The following CKAP2L variants were observed in gnomAD, a reference collection of about 807,000 sequenced individuals.
CKAP2L encodes the protein cytoskeleton associated protein 2L, also known as cytoskeleton-associated protein 2-like.
A neutral mutation model predicts 65.7 loss-of-function variants in CKAP2L; 42 were observed. That is an observed-to-expected ratio of 0.64 (90% confidence interval 0.50 to 0.83). The LOEUF is 0.83. CKAP2L is among the 40% of genes least tolerant of loss of function. CKAP2L has a pLI of 0.00. For synonymous variants in CKAP2L, 325 were observed against 313.5 expected, an observed-to-expected ratio of 1.04 and a Z score of -0.39; for missense variants, 908 against 871.0, an observed-to-expected ratio of 1.04 and a Z score of -0.53.
At chr2:112,754,126 A>G (rs545188755) in intron 4 of CKAP2L, among the ~76,000 whole-genome samples, 57 of 152,304 alleles carry the variant, frequency 3.7e-4, no homozygotes, top group African/African-American at 1.2e-3. Flanking sequence ...TTTAAGTCTG[A>G]CTATTATCAA....
chr2:112,738,747 C>T lies in CKAP2L; in HGVS notation c.*76G>A. The T allele has an allele frequency of 1.0e-6, 1 of 974,792 alleles. No individual in the cohort carries two copies. The highest frequency in any genetic ancestry group is 1.5e-5 in the South Asian group (1 of 68,128). 60.4% of individuals were successfully genotyped at this position (974,792 alleles called of 1,614,324 possible). A position where few individuals can be genotyped will look rare whatever the true frequency, so the allele number is the denominator to read the frequency against. On this transcript the variant is annotated 3_prime_UTR_variant, in exon 9 of 9. Transcript: ENST00000302450. Reference sequence around the variant, plus strand: ...GCATCCATGATGCCTCTCTTTTTTTCCAGGTCACTTGGACAAGAATATTTC... The same window carrying T: ...GCATCCATGATGCCTCTCTTTTTTTTCAGGTCACTTGGACAAGAATATTTC...
chr2:112,749,973 C>G (rs1297360795), intron 5 of CKAP2L, among the ~76,000 whole-genome samples: 1 of 152,114 alleles, frequency 6.6e-6, no homozygotes, highest in Non-Finnish European at 1.5e-5. Context: ...CTTTTTTTCC[C>G]CCTCAGAGCC....
chr2:112,758,065 C>T (rs1680598274), intron 3 of CKAP2L, among the ~76,000 whole-genome samples: 1 of 152,292 alleles, frequency 6.6e-6, no homozygotes, highest in African/African-American at 2.4e-5. Context: ...AGATATGCTG[C>T]CACAGCTCTC....
chr2:112,741,940 G>GTTT (rs57634251), intron 7 of CKAP2L, among the ~76,000 whole-genome samples: 9 of 71,906 alleles, frequency 1.3e-4, no homozygotes, highest in African/African-American at 3.3e-4. Flanking sequence ...TTTCTTTTCT[G>GTTT]TTTTTTTTTT....
rs189832069 is a variant in CKAP2L, at chr2:112,736,372, T to C, written c.*2451A>G. Reference sequence around the variant, plus strand: ...CATTTTGGTGACAATTTTATTTTATTAGGTATATTTAAGATTTACAACATG... The same window carrying C: ...CATTTTGGTGACAATTTTATTTTATCAGGTATATTTAAGATTTACAACATG... On this transcript the variant is annotated 3_prime_UTR_variant, in exon 9 of 9. Transcript: ENST00000302450. Among the ~76,000 whole-genome samples, 23 of 152,314 alleles carry C rather than the reference T, an allele frequency of 1.5e-4. No individual in the cohort carries two copies. In the East Asian group the frequency reaches 1.5e-3, roughly 10 times the overall value.
chr2:112,742,573 G>A (rs1170299198), intron 7 of CKAP2L, 133 bp downstream of exon 7: 9 of 712,312 alleles, frequency 1.3e-5, no homozygotes, highest in African/African-American at 1.8e-5. Flanking sequence ...ATGGCTGAAA[G>A]GGCCAGGTCA....
At chr2:112,763,524 T>TA (rs1680796564) in intron 1 of CKAP2L, among the ~76,000 whole-genome samples, 1 of 151,820 alleles carries the variant, frequency 6.6e-6, no homozygotes, top group Non-Finnish European at 1.5e-5. Context: ...GTAGTGGAGA[T>TA]AAAATCAACA....
rs1439125745 is a variant in CKAP2L at position 112,756,627 on chromosome 2, T to C, written c.744A>G (p.Glu248=). The C allele has an allele frequency of 1.9e-6, 3 of 1,611,542 alleles. No individual in the cohort carries two copies. In the East Asian group the frequency reaches 6.7e-5, roughly 36 times the overall value. The change falls in exon 4 of 9, where the codon GAA becomes GAG. Residue 248 remains glutamate (E), a synonymous_variant. Transcript: ENST00000302450. ...TTACTGGGAAAGTCCTGCTTTGTGT[T>C]TCTCCAACAAATTGTTTATTAACCC... ...KDRVNKQFVG[E]TQSRTFPVKS...
At chr2:112,745,428 G>A (rs947292607) in intron 6 of CKAP2L, among the ~76,000 whole-genome samples, 1 of 150,364 alleles carries the variant, frequency 6.7e-6, no homozygotes, top group African/African-American at 2.5e-5. Context: ...TGCCCAGGCT[G>A]GAGTGCAGTG....
At position 112,741,132 on chromosome 2, in the gene CKAP2L, G is replaced by A. The variant is rs963966908; in HGVS notation, c.1823-125C>T. 20 of 683,416 alleles carry A rather than the reference G, an allele frequency of 2.9e-5. No individual in the cohort carries two copies. In the Middle Eastern group the frequency reaches 1.6e-3, roughly 56 times the overall value. 42.3% of individuals were successfully genotyped at this position (683,416 alleles called of 1,614,324 possible). A position where few individuals can be genotyped will look rare whatever the true frequency, so the allele number is the denominator to read the frequency against. On this transcript the variant is annotated intron_variant, in intron 7 of 8. Transcript: ENST00000302450. ...GTGATCTTCATGGGCTCCACATACTGAATAGTGATTGATTTGAAGTGTGAC... is the reference window on the plus strand; with the variant it reads ...GTGATCTTCATGGGCTCCACATACTAAATAGTGATTGATTTGAAGTGTGAC...
chr2:112,760,312 C>T (rs1435851640), intron 3 of CKAP2L, among the ~76,000 whole-genome samples: 1 of 152,196 alleles, frequency 6.6e-6, no homozygotes, highest in Non-Finnish European at 1.5e-5. Context: ...AGGCTCTCAG[C>T]TTTGTCACTT....
Position 112,750,518 on chromosome 2 carries a change from C to T in CKAP2L, c.1602+1749G>A, listed in dbSNP as rs115039893. On this transcript the variant is annotated intron_variant, in intron 5 of 8. Transcript: ENST00000302450. Reference sequence around the variant, plus strand: ...CCCTGTGGGGCTGTGCCAGAGTCACCGTCCATGGATTCGCTTTTCTGATCC... The same window carrying T: ...CCCTGTGGGGCTGTGCCAGAGTCACTGTCCATGGATTCGCTTTTCTGATCC... Among the ~76,000 whole-genome samples, 899 of 152,286 alleles carry T rather than the reference C, an allele frequency of 5.9e-3. 10 individuals carry two copies. The highest frequency in any genetic ancestry group is 0.021 in the African/African-American group (865 of 41,564).
chr2:112,736,476 A>G lies in CKAP2L; in HGVS notation c.*2347T>C, dbSNP rs543816318. On this transcript the variant is annotated 3_prime_UTR_variant, in exon 9 of 9. Coordinates refer to ENST00000302450, the MANE Select transcript of CKAP2L (RefSeq NM_152515.5). The stretch of plus-strand genomic sequence containing the variant: ...ACATTATCATCTCAGTTTTTTTGTG[A>G]TAATAGCAGCTAAAATCTACTTATT... The G allele has an allele frequency of 2.0e-4, 30 of 152,314 alleles. No homozygotes were observed. Among genetic ancestry groups the G allele is most frequent in the African/African-American group, 7.0e-4 (29 of 41,562 alleles). The allele number at this position is 152,314 out of a possible 1,614,324, so 9.4% of individuals were successfully genotyped here. A position where few individuals can be genotyped will look rare whatever the true frequency, so the allele number is the denominator to read the frequency against.
At position 112,756,724 on chromosome 2, in the gene CKAP2L, T is replaced by G. The variant is rs371752157; in HGVS notation, c.647A>C (p.Gln216Pro). Residue 216 changes from glutamine to proline, a missense_variant, in exon 4 of 9, where the codon CAA becomes CCA. Physicochemically the swap from Gln to Pro is moderately conservative, Grantham distance 76. Coordinates refer to ENST00000302450, the MANE Select transcript of CKAP2L (RefSeq NM_152515.5). ...TTTAGGAACTAAACTGTTCTTGGTTTGATTATAAGAGTCAGTCTTTGGCTT... is the reference window on the plus strand; with the variant it reads ...TTTAGGAACTAAACTGTTCTTGGTTGGATTATAAGAGTCAGTCTTTGGCTT... Reference protein sequence around the residue: ...RSKPKTDSYNQTKNSLVPKQA... With the variant: ...RSKPKTDSYNPTKNSLVPKQA... 15 of 1,593,520 alleles carry G rather than the reference T, an allele frequency of 9.4e-6. No homozygotes were observed. The highest frequency in any genetic ancestry group is 1.8e-5 in the Admixed American group (1 of 54,936).
intron 5 of CKAP2L, among the ~76,000 whole-genome samples, chr2:112,747,144 G>A (rs1163360091): frequency 6.6e-6 from 1 of 151,392 alleles, no homozygotes; most frequent in African/African-American, 2.4e-5. Context: ...AGGCTGGAGT[G>A]CAGTGGTACG....
chr2:112,747,061 T>C (rs1397903385), intron 5 of CKAP2L, among the ~76,000 whole-genome samples: 3 of 151,638 alleles, frequency 2.0e-5, no homozygotes, highest in Admixed American at 1.3e-4. Context: ...CGTGCTGGGA[T>C]TACAGGCATG....
At chr2:112,739,807 A>G (rs1679751922) in intron 8 of CKAP2L, among the ~76,000 whole-genome samples, 1 of 152,152 alleles carries the variant, frequency 6.6e-6, no homozygotes, top group South Asian at 2.1e-4. Context: ...AACGTATGCC[A>G]GCATGCCTGG....
chr2:112,749,383 G>T (rs992696716), intron 5 of CKAP2L, among the ~76,000 whole-genome samples: 1 of 152,208 alleles, frequency 6.6e-6, no homozygotes, highest in African/African-American at 2.4e-5. Flanking sequence ...AAGAGAAATT[G>T]TCAATGATTA....
chr2:112,755,688 T>C (rs1680509662), intron 4 of CKAP2L, among the ~76,000 whole-genome samples: 16 of 151,882 alleles, frequency 1.1e-4, no homozygotes, highest in Admixed American at 5.2e-4. Context: ...AGTGTCTACA[T>C]CTGCACCCCC....
Sources: gnomAD v4.1 joint callset for allele counts (sites outside exome capture counted in the v4.1 genomes callset) on GRCh38, gnomAD v4.1.1 for gene constraint, MANE v1.5 for transcripts, NCBI Gene and HGNC (gene_info 2026-07-23, HGNC 2026-07-21) for gene names.